Variants in MRPL49 observed in about 807,000 individuals in gnomAD.
MRPL49 encodes the protein large ribosomal subunit protein mL49.
A neutral mutation model predicts 18.4 loss-of-function variants in MRPL49; 14 were observed. That is an observed-to-expected ratio of 0.76 (90% CI 0.50 to 1.19). The LOEUF (loss-of-function observed/expected upper bound fraction) is 1.19, where lower values mean the gene tolerates loss of function less well. Among genes scored for constraint, MRPL49 ranks in the 50% most tolerant of loss-of-function variants. MRPL49 has a pLI of 0.00. For synonymous variants in MRPL49, 104 were observed against 86.2 expected, an observed-to-expected ratio of 1.21 and a Z score of -1.14; for missense variants, 190 against 217.8, an observed-to-expected ratio of 0.87 and a Z score of 0.80.
At chr11:65,125,112 A>G (rs974067193) in intron 2 of MRPL49, 4 of 325,452 alleles carry the variant, frequency 1.2e-5, no homozygotes, top group Non-Finnish European at 2.3e-5. Flanking sequence ...AGAGCCCAGC[A>G]TATGGTAGGT....
At chr11:65,123,526 G>C (rs1432260754) in intron 1 of MRPL49, among the ~76,000 whole-genome samples, 1 of 152,236 alleles carries the variant, frequency 6.6e-6, no homozygotes, top group Non-Finnish European at 1.5e-5. Context: ...CCTGGAGTCA[G>C]GAGTTTGAGA....
At chr11:65,124,676 T>C in intron 2 of MRPL49, 24 bp downstream of exon 2, 1 of 1,611,726 alleles carries the variant, frequency 6.2e-7, no homozygotes. Context: ...TTAGGGATGA[T>C]TTGAAAGCTT....
chr11:65,123,320 C>G (rs142376977), intron 1 of MRPL49, among the ~76,000 whole-genome samples: 1 of 152,170 alleles, frequency 6.6e-6, no homozygotes, highest in Non-Finnish European at 1.5e-5. Context: ...CCATGGAAAA[C>G]CAAAGACTGG....
At chr11:65,125,655 G>A in intron 3 of MRPL49, 43 bp downstream of exon 3, 1 of 1,613,194 alleles carries the variant, frequency 6.2e-7, no homozygotes, top group Non-Finnish European at 8.5e-7. Context: ...GACCCTTTCA[G>A]GGCTGAAGGG....
At chr11:65,124,392 T>C (rs1948080801) in intron 1 of MRPL49, 110 bp from the exon 2 acceptor site, 1 of 1,144,914 alleles carries the variant, frequency 8.7e-7, no homozygotes. Flanking sequence ...CCCAGCCTTT[T>C]ATTTATGTCA....
Position 65,127,262 on chromosome 11 carries a change from GAC to G in MRPL49, c.*1394_*1395del. 1 of 482,206 alleles carries G rather than the reference GAC, an allele frequency of 2.1e-6. No homozygotes were observed. Among genetic ancestry groups the G allele is most frequent in the Non-Finnish European group, 3.7e-6 (1 of 272,954 alleles). The allele number at this position is 482,206 out of a possible 1,614,324, so 29.9% of individuals were successfully genotyped here. A position where few individuals can be genotyped will look rare whatever the true frequency, so the allele number is the denominator to read the frequency against. On this transcript the variant is annotated 3_prime_UTR_variant, in exon 4 of 4. Coordinates refer to ENST00000279242, the MANE Select transcript of MRPL49 (RefSeq NM_004927.4). Reference sequence around the variant, plus strand: ...CCGACACTGATTTGATCGATTCTGTGACACAAACCCCACCAATTGTTAATGCA... The same window carrying G: ...CCGACACTGATTTGATCGATTCTGTGACAAACCCCACCAATTGTTAATGCA...
chr11:65,122,542 A>T, intron 1 of MRPL49, 118 bp downstream of exon 1: 2 of 934,106 alleles, frequency 2.1e-6, no homozygotes, highest in Non-Finnish European at 3.2e-6. Flanking sequence ...GCCGTTTTCG[A>T]TCAGGAGAAC....
At chr11:65,124,225 G>T (rs1204556544) in intron 1 of MRPL49, among the ~76,000 whole-genome samples, 3 of 152,266 alleles carry the variant, frequency 2.0e-5, no homozygotes, top group East Asian at 1.9e-4. Context: ...TGGCCTTTGT[G>T]CAAGGCTGTG....
Position 65,124,593 on chromosome 11 carries a change from T to C in MRPL49, c.170T>C (p.Ile57Thr), listed in dbSNP as rs866251430. The C allele has an allele frequency of 6.2e-7, 1 of 1,614,038 alleles. No individual in the cohort carries two copies. The highest frequency in any genetic ancestry group is 8.5e-7 in the Non-Finnish European group (1 of 1,180,040). Residue 57 changes from isoleucine (I) to threonine (T), a missense_variant, in exon 2 of 4, where the codon ATC (isoleucine) becomes ACC (threonine). Transcript: ENST00000279242. ...FVERLLPATR[I>T]PDPPKHEHYP... ...GAGCGCCTGTTACCGGCTACCAGGA[T>C]CCCAGATCCCCCAAAGCATGAACAT... is the stretch of plus-strand genomic sequence containing the variant.
Position 65,125,926 on chromosome 11 carries a change from G to A in MRPL49, c.*54G>A. On this transcript the variant is annotated 3_prime_UTR_variant, in exon 4 of 4. Coordinates refer to ENST00000279242, the MANE Select transcript of MRPL49 (RefSeq NM_004927.4). ...ATGCCCTGTGGATCAAGTCTAGGGG[G>A]CCTCAGGAGGAGGGAGGTGGGTGTT... 1.3e-6 allele frequency: 2 copies of A among 1,546,822 alleles called. No individual in the cohort carries two copies. Among genetic ancestry groups the A allele is most frequent in the African/African-American group, 1.4e-5 (1 of 72,576 alleles).
At chr11:65,122,474 A>G (rs1948061657) in intron 1 of MRPL49, 50 bp downstream of exon 1, 1 of 1,547,594 alleles carries the variant, frequency 6.5e-7, no homozygotes, top group African/African-American at 1.4e-5. Flanking sequence ...TGTGAGGCTC[A>G]GTGTTAATCA....
At chr11:65,124,684 C>T (rs1948083768) in intron 2 of MRPL49, 32 bp downstream of exon 2, 4 of 1,608,226 alleles carry the variant, frequency 2.5e-6, no homozygotes, top group Non-Finnish European at 3.4e-6. Flanking sequence ...GATTTGAAAG[C>T]TTCACGGAGC....
At chr11:65,123,895 T>C (rs1246512470) in intron 1 of MRPL49, among the ~76,000 whole-genome samples, 3 of 152,148 alleles carry the variant, frequency 2.0e-5, no homozygotes, top group Non-Finnish European at 4.4e-5. Context: ...TGTTTTGTTT[T>C]GTTTTGTTTG....
At chr11:65,124,459 T>C (rs1948081275) in intron 1 of MRPL49, 43 bp from the exon 2 acceptor site, 4 of 1,594,236 alleles carry the variant, frequency 2.5e-6, no homozygotes, top group Non-Finnish European at 3.4e-6. Flanking sequence ...CCATCCTGTG[T>C]TGGGTAGGCT....
In MRPL49 at chr11:65,125,761, G is replaced by A. The variant is rs112102999; in HGVS notation, c.390G>A (p.Pro130=). ...LQKDVEDFLS[P]LLGKTPVTQV... is the part of the protein sequence containing the mutation. ...AAGACGTGGAAGATTTTCTGAGCCC[G>A]CTGCTGGGGAAGACACCTGTCACCC... is the stretch of plus-strand genomic sequence containing the variant. Residue 130 remains proline, a synonymous_variant, in exon 4 of 4, where the codon CCG becomes CCA. Coordinates refer to ENST00000279242, the MANE Select transcript of MRPL49 (RefSeq NM_004927.4). 6.4e-5 allele frequency: 104 copies of A among 1,613,692 alleles called. No individual in the cohort carries two copies. Among genetic ancestry groups the A allele is most frequent in the African/African-American group, 4.8e-4 (36 of 75,010 alleles).
At position 65,125,834 on chromosome 11, in the gene MRPL49, C is replaced by T. The variant is rs1212987325; in HGVS notation, c.463C>T (p.Gln155Ter). 5 of 1,611,016 alleles carry T rather than the reference C, an allele frequency of 3.1e-6. No homozygotes were observed. The highest frequency in any genetic ancestry group is 3.3e-5 in the Admixed American group (2 of 59,960). Residue 155 changes from glutamine to a stop codon, truncating the protein, a stop_gained, in exon 4 of 4, where the codon CAG becomes TAG. Coordinates refer to ENST00000279242, the MANE Select transcript of MRPL49 (RefSeq NM_004927.4). LOFTEE classifies it high-confidence loss of function. ...GTLRIKGYFD[Q>*]ELKAWLLEKG... ...CCTACGGATCAAGGGCTACTTTGAC[C>T]AGGAGCTTAAAGCCTGGCTCTTGGA...
At position 65,126,032 on chromosome 11, in the gene MRPL49, A is replaced by C; in HGVS notation, c.*160A>C. On this transcript the variant is annotated 3_prime_UTR_variant, in exon 4 of 4. Coordinates refer to ENST00000279242, the MANE Select transcript of MRPL49 (RefSeq NM_004927.4). ...CCTTGCTTGCATAAAGGAGAAAACA[A>C]CTCTATGTACATGCTGGGGGAGAGT... is the stretch of plus-strand genomic sequence containing the variant. 1 of 743,834 alleles carries C rather than the reference A, an allele frequency of 1.3e-6. No homozygotes were observed. Among genetic ancestry groups the C allele is most frequent in the South Asian group, 2.1e-5 (1 of 47,498 alleles). 46.1% of individuals were successfully genotyped at this position (743,834 alleles called of 1,614,324 possible). A position where few individuals can be genotyped will look rare whatever the true frequency, so the allele number is the denominator to read the frequency against.
Position 65,127,157 on chromosome 11 carries a change from A to C in MRPL49, c.*1285A>C. The stretch of plus-strand genomic sequence containing the variant: ...CTGTTAATGGTCAGTGGTGTCCCCA[A>C]GGATAGTGCTGGCTTCCATGGAAAC... On this transcript the variant is annotated 3_prime_UTR_variant, in exon 4 of 4. Transcript: ENST00000279242. 2 of 632,696 alleles carry C rather than the reference A, an allele frequency of 3.2e-6. No individual in the cohort carries two copies. The highest frequency in any genetic ancestry group is 1.8e-5 in the South Asian group (1 of 56,484). 39.2% of individuals were successfully genotyped at this position (632,696 alleles called of 1,614,324 possible). A position where few individuals can be genotyped will look rare whatever the true frequency, so the allele number is the denominator to read the frequency against.
At position 65,126,965 on chromosome 11, in the gene MRPL49, G is replaced by A; in HGVS notation, c.*1093G>A. 1 of 679,086 alleles carries A rather than the reference G, an allele frequency of 1.5e-6. No homozygotes were observed. Among genetic ancestry groups the A allele is most frequent in the Non-Finnish European group, 2.7e-6 (1 of 373,158 alleles). The allele number at this position is 679,086 out of a possible 1,614,324, so 42.1% of individuals were successfully genotyped here. On this transcript the variant is annotated 3_prime_UTR_variant, in exon 4 of 4. Transcript: ENST00000279242. The stretch of plus-strand genomic sequence containing the variant: ...CCCCAGCTCACTAGCCTTCATATAT[G>A]CCTTATACTTGGAGTCACAGGGGCC...
Sources: allele counts gnomAD v4.1 joint callset (sites outside exome capture counted in the v4.1 genomes callset), GRCh38; gene constraint gnomAD v4.1.1; transcripts MANE v1.5; gene names NCBI Gene and HGNC (gene_info 2026-07-23, HGNC 2026-07-21).